ENOX2: variants seen among roughly 807,000 people sequenced by gnomAD.
ENOX2 encodes the protein ecto-NOX disulfide-thiol exchanger 2.
In ENOX2, 36 loss-of-function variants were observed where a neutral mutation model predicts 45.0. That is an observed-to-expected ratio of 0.80 (90% confidence interval 0.61 to 1.06). ENOX2 has a LOEUF of 1.06. Among genes scored for constraint, ENOX2 ranks in the 50% least tolerant of loss-of-function variants. The pLI is 0.00. For missense variants in ENOX2, 423 were observed against 462.5 expected, an observed-to-expected ratio of 0.91 and a Z score of 0.78; for synonymous variants, 174 against 152.3, an observed-to-expected ratio of 1.14 and a Z score of -1.05.
chrX:130,810,479 T>A (rs2077373040), intron 2 of ENOX2, among the ~76,000 whole-genome samples: 1 of 111,615 alleles, frequency 9.0e-6, no homozygotes, highest in South Asian at 3.8e-4. Context: ...CACTCCTGGA[T>A]ATAGCCTCTA....
chrX:130,897,100 T>G (rs557097838), intron 2 of ENOX2, among the ~76,000 whole-genome samples: 3 of 112,214 alleles, frequency 2.7e-5, no homozygotes, highest in African/African-American at 9.7e-5. Flanking sequence ...TCGGCTCCCA[T>G]GAGACACATT....
At chrX:130,706,261 T>G (rs1317142316) in intron 3 of ENOX2, among the ~76,000 whole-genome samples, 1 of 112,146 alleles carries the variant, frequency 8.9e-6, no homozygotes, top group African/African-American at 3.2e-5. Context: ...TAAATTATTA[T>G]AATAAGTACT....
intron 3 of ENOX2, among the ~76,000 whole-genome samples, chrX:130,745,153 AC>A (rs1187648044): frequency 9.0e-6 from 1 of 111,445 alleles, no homozygotes; most frequent in Non-Finnish European, 1.9e-5. Context: ...CTTTGCAATG[AC>A]CTTATAAGTT....
chrX:130,781,231 A>G (rs2039961852), intron 3 of ENOX2, among the ~76,000 whole-genome samples: 1 of 111,964 alleles, frequency 8.9e-6, no homozygotes, highest in Non-Finnish European at 1.9e-5. Context: ...CCTGGGTTGG[A>G]GTTACCTTTG....
intron 3 of ENOX2, among the ~76,000 whole-genome samples, chrX:130,757,273 C>T (rs1456413993): frequency 8.9e-6 from 1 of 111,763 alleles, no homozygotes; most frequent in African/African-American, 3.3e-5. Flanking sequence ...CTCCCACTCC[C>T]ATAGACATGC....
At chrX:130,831,632 TTTCTCATAG>T (rs2077830910) in intron 2 of ENOX2, among the ~76,000 whole-genome samples, 1 of 111,737 alleles carries the variant, frequency 8.9e-6, no homozygotes, top group Non-Finnish European at 1.9e-5. Context: ...TAAAATTCAC[TTTCTCATAG>T]AAACCTTTTT....
At chrX:130,792,074 A>G (rs2077052193) in intron 2 of ENOX2, among the ~76,000 whole-genome samples, 1 of 112,418 alleles carries the variant, frequency 8.9e-6, no homozygotes, top group African/African-American at 3.2e-5. Context: ...TGCAGCCATA[A>G]AAAAGAATGA....
chrX:130,653,702 T>A (rs1045366385), intron 10 of ENOX2, among the ~76,000 whole-genome samples: 3 of 112,473 alleles, frequency 2.7e-5, no homozygotes, highest in African/African-American at 9.7e-5. Flanking sequence ...TGTGTGGATT[T>A]ACACATATTT....
chrX:130,642,486 A>G (rs1006448554), intron 10 of ENOX2, among the ~76,000 whole-genome samples: 12 of 112,758 alleles, frequency 1.1e-4, no homozygotes, highest in African/African-American at 3.5e-4. Flanking sequence ...TCATAAATTC[A>G]GTTGATAAAG....
intron 2 of ENOX2, among the ~76,000 whole-genome samples, chrX:130,878,528 C>T (rs1172012588): frequency 2.7e-5 from 3 of 111,489 alleles, no homozygotes; most frequent in Non-Finnish European, 5.7e-5. Flanking sequence ...TTCAAAAGAG[C>T]CGTGAGTGCC....
chrX:130,836,356 T>A (rs956024878), intron 2 of ENOX2, among the ~76,000 whole-genome samples: 2 of 110,988 alleles, frequency 1.8e-5, no homozygotes, highest in Non-Finnish European at 3.8e-5. Flanking sequence ...CTGGGAAAAA[T>A]GTCACGTAAC....
chrX:130,648,406 C>T (rs1334762306), intron 10 of ENOX2, among the ~76,000 whole-genome samples: 1 of 108,638 alleles, frequency 9.2e-6, no homozygotes, highest in Non-Finnish European at 1.9e-5. Context: ...CCATTGCACT[C>T]CAGCCTGGGC....
At chrX:130,740,572 G>A (rs1036119576) in intron 3 of ENOX2, among the ~76,000 whole-genome samples, 2 of 111,399 alleles carry the variant, frequency 1.8e-5, no homozygotes, top group South Asian at 7.7e-4. Context: ...TTTAACTGGC[G>A]GAGGGGAGGA....
chrX:130,726,553 C>T (rs2038610941), intron 3 of ENOX2, among the ~76,000 whole-genome samples: 1 of 112,586 alleles, frequency 8.9e-6, no homozygotes, highest in South Asian at 3.7e-4. Context: ...GTACAAATGG[C>T]TGCTTGTGAA....
chrX:130,857,922 G>T (rs1008431918), intron 2 of ENOX2, among the ~76,000 whole-genome samples: 11 of 111,012 alleles, frequency 9.9e-5, no homozygotes, highest in Non-Finnish European at 1.9e-4. Context: ...TTAAAAATAT[G>T]TTAGATAAAA....
At chrX:130,750,104 G>A (rs1232539906) in intron 3 of ENOX2, among the ~76,000 whole-genome samples, 2 of 110,252 alleles carry the variant, frequency 1.8e-5, no homozygotes, top group Admixed American at 9.7e-5. Flanking sequence ...TCTGACCAAC[G>A]GCTTCTGACA....
At chrX:130,810,223 C>A (rs1345566832) in intron 2 of ENOX2, among the ~76,000 whole-genome samples, 1 of 110,781 alleles carries the variant, frequency 9.0e-6, no homozygotes, top group Non-Finnish European at 1.9e-5. Flanking sequence ...CTCCCATGGA[C>A]CCAGACTTTA....
At chrX:130,886,495 C>T (rs1378814359) in intron 2 of ENOX2, among the ~76,000 whole-genome samples, 6 of 112,106 alleles carry the variant, frequency 5.4e-5, no homozygotes, top group African/African-American at 1.3e-4. Context: ...AAAAAACATT[C>T]GCCCATACCT....
chrX:130,649,042 TCAAAAAAAAAAAAAAA>T (rs2036325678), intron 10 of ENOX2, among the ~76,000 whole-genome samples: 1 of 8,326 alleles, frequency 1.2e-4, no homozygotes, highest in African/African-American at 4.7e-4. Context: ...AGACTCCATA[TCAAAAAAAAAAAAAAA>T]AAAAAAAAAA....
Sources: allele counts gnomAD v4.1 joint callset (sites outside exome capture counted in the v4.1 genomes callset), GRCh38; gene constraint gnomAD v4.1.1; transcripts MANE v1.5; gene names NCBI Gene and HGNC (gene_info 2026-07-23, HGNC 2026-07-21).